Variants in UGT2B7 observed in about 807,000 individuals in gnomAD.
UGT2B7 encodes UDP glucuronosyltransferase family 2 member B7.
Under a neutral mutation model 51.9 loss-of-function variants are expected in UGT2B7, and 51 were observed. That is an observed-to-expected ratio of 0.98 (90% CI 0.78 to 1.24). The LOEUF (loss-of-function observed/expected upper bound fraction) is 1.24. Among genes scored for constraint, UGT2B7 ranks in the 50% most tolerant of loss-of-function variants. UGT2B7 has a pLI of 0.00. For missense variants in UGT2B7, 727 were observed against 628.4 expected (o/e 1.16, Z -1.68); for synonymous variants, 225 against 211.6 (o/e 1.06, Z -0.55).
chr4:69,076,925 G>A (rs1217524145), intron 1 of UGT2B7, among the ~76,000 whole-genome samples: 3 of 151,952 alleles, frequency 2.0e-5, no homozygotes, highest in South Asian at 2.1e-4. Flanking sequence ...GGTCTTATGT[G>A]TAAGTCTTTA....
At chr4:69,087,457 T>C (rs1433140532) in intron 1 of UGT2B7, among the ~76,000 whole-genome samples, 5 of 152,036 alleles carry the variant, frequency 3.3e-5, no homozygotes, top group African/African-American at 4.8e-5. Context: ...GATAAAGATA[T>C]AAATGGCTTA....
At chr4:69,064,021 A>AAAG (rs1285536293) in intron 1 of UGT2B7, among the ~76,000 whole-genome samples, 4 of 34,874 alleles carry the variant, frequency 1.1e-4, no homozygotes, top group East Asian at 1.8e-3. Flanking sequence ...ATGAGATGGG[A>AAAG]AAGAAAGAAA....
At chr4:69,096,458 C>T (rs1049710826), upstream of UGT2B7, 12 of 1,604,450 alleles carry the variant, frequency 7.5e-6, no homozygotes, top group Non-Finnish European at 9.3e-6. Context: ...TATCTTTGGA[C>T]ATAACCATGA....
intron 2 of UGT2B7, among the ~76,000 whole-genome samples, chr4:69,090,141 G>A (rs1719052846): frequency 6.6e-6 from 1 of 152,134 alleles, no homozygotes; most frequent in Non-Finnish European, 1.5e-5. Context: ...TGATATTATA[G>A]TCTAGTAGTC....
At chr4:69,091,466 G>A (rs759413016) in intron 2 of UGT2B7, among the ~76,000 whole-genome samples, 1 of 151,872 alleles carries the variant, frequency 6.6e-6, no homozygotes, top group Non-Finnish European at 1.5e-5. Flanking sequence ...ATTTTTTAAA[G>A]GTTGGAACAA....
intron 1 of UGT2B7, among the ~76,000 whole-genome samples, chr4:69,052,339 GA>G (rs758115472): frequency 2.7e-5 from 4 of 150,848 alleles, no homozygotes; most frequent in Non-Finnish European, 3.0e-5. Context: ...CCAGCAGAGA[GA>G]AAAAAAAGGC....
At chr4:69,055,060 A>T (rs547158740) in intron 1 of UGT2B7, among the ~76,000 whole-genome samples, 1 of 141,730 alleles carries the variant, frequency 7.1e-6, no homozygotes, top group South Asian at 2.3e-4. Flanking sequence ...ATGATTAAGG[A>T]CTGATCCTTT....
At chr4:69,105,175 A>G (rs986197858) in intron 3 of UGT2B7, among the ~76,000 whole-genome samples, 12 of 152,148 alleles carry the variant, frequency 7.9e-5, no homozygotes, top group Non-Finnish European at 1.2e-4. Context: ...ACTCCTCCCA[A>G]TGGAGGAAGC....
chr4:69,107,176 T>G lies in UGT2B7; in HGVS notation c.1004T>G (p.Val335Gly). ...ASALAQIPQK[V>G]LWRFDGNKPD... ...AAAATATTTTCTTTATTGTAACAGG[T>G]TCTGTGGAGATTTGATGGGAATAAA... The change falls in exon 4 of 6, where the codon GTT (valine) becomes GGT (glycine). Residue 335 changes from valine to glycine, a missense_variant and splice_region_variant. Transcript: ENST00000305231. 1 of 1,608,214 alleles carries G rather than the reference T, an allele frequency of 6.2e-7. No individual in the cohort carries two copies. Among genetic ancestry groups the G allele is most frequent in the Non-Finnish European group, 8.5e-7 (1 of 1,176,542 alleles).
intron 1 of UGT2B7, among the ~76,000 whole-genome samples, chr4:69,054,256 T>C (rs952068813): frequency 2.4e-4 from 36 of 151,936 alleles, no homozygotes; most frequent in African/African-American, 8.5e-4. Context: ...TAACTCAGAC[T>C]GTGGGGCACT....
rs1718517906 is a variant in UGT2B7, at chr4:69,067,979, T to C, written c.-159+16377T>C. Among the ~76,000 whole-genome samples, 4 of 152,240 alleles carry C rather than the reference T, an allele frequency of 2.6e-5. No homozygotes were observed. The South Asian group carries it at 8.3e-4, about 32-fold the overall frequency. The stretch of plus-strand genomic sequence containing the variant: ...ACTAATTTTCAGCACACTTATGTTG[T>C]CTTTCAGAATGAGAACTCATCAAAT... On this transcript the variant is annotated intron_variant, in intron 1 of 5. Coordinates refer to the UGT2B7 transcript ENST00000502942.
intron 3 of UGT2B7, among the ~76,000 whole-genome samples, chr4:69,106,917 A>C (rs1350846650): frequency 6.6e-6 from 1 of 151,612 alleles, no homozygotes; most frequent in African/African-American, 2.4e-5. Flanking sequence ...AAGGTGTAAC[A>C]ATTTTTTAAA....
chr4:69,063,091 G>C (rs971865355), intron 1 of UGT2B7, among the ~76,000 whole-genome samples: 1 of 146,006 alleles, frequency 6.8e-6, no homozygotes, highest in African/African-American at 2.5e-5. Flanking sequence ...AGGCCGAGGC[G>C]GGCGGATCAC....
intron 1 of UGT2B7, among the ~76,000 whole-genome samples, chr4:69,069,140 G>A (rs1322165779): frequency 6.6e-6 from 1 of 150,696 alleles, no homozygotes; most frequent in African/African-American, 2.4e-5. Context: ...ATCAGGTTAG[G>A]ATTCAAACTA....
chr4:69,092,599 A>T (rs1036136376), upstream of UGT2B7, among the ~76,000 whole-genome samples: 1 of 148,476 alleles, frequency 6.7e-6, no homozygotes, highest in Non-Finnish European at 1.5e-5. Flanking sequence ...TATAAAAAGT[A>T]AAATATAAAA....
Position 69,052,587 on chromosome 4 carries a change from A to AGAAGAAGGGGAGGCAAAACTTACGT in UGT2B7, c.-159+985_-159+986insGAAGAAGGGGAGGCAAAACTTACGT, listed in dbSNP as rs1560495732. ...TTATCTTCAAAAAAAAAAAAAAAAAAAAAAAGAAGGGGAGGCAAAATTTAC... is the reference window on the plus strand; with the variant it reads ...TTATCTTCAAAAAAAAAAAAAAAAAAGAAGAAGGGGAGGCAAAACTTACGTAAAAAGAAGGGGAGGCAAAATTTAC... On this transcript the variant is annotated intron_variant, in intron 1 of 5. Coordinates refer to the UGT2B7 transcript ENST00000502942. 3.3e-5 allele frequency among the ~76,000 whole-genome samples: 5 copies of AGAAGAAGGGGAGGCAAAACTTACGT among 151,420 alleles called. No homozygotes were observed. The East Asian group carries it at 5.8e-4, about 18-fold the overall frequency.
intron 1 of UGT2B7, among the ~76,000 whole-genome samples, chr4:69,071,688 T>TTA (rs1385370969): frequency 6.6e-6 from 1 of 152,094 alleles, no homozygotes; most frequent in East Asian, 1.9e-4. Flanking sequence ...ATAAAATGAA[T>TTA]TATTATAATG....
At chr4:69,110,343 A>T (rs1183848596) in intron 5 of UGT2B7, among the ~76,000 whole-genome samples, 1 of 152,052 alleles carries the variant, frequency 6.6e-6, no homozygotes, top group Non-Finnish European at 1.5e-5. Flanking sequence ...TAAAAACTAT[A>T]ACTAACATAT....
chr4:69,082,080 T>C (rs758396082), intron 1 of UGT2B7, among the ~76,000 whole-genome samples: 3 of 152,044 alleles, frequency 2.0e-5, no homozygotes, highest in Non-Finnish European at 2.9e-5. Context: ...CATATTACTG[T>C]TGTAATTGGT....
Sources: gnomAD v4.1 joint callset for allele counts (sites outside exome capture counted in the v4.1 genomes callset) on GRCh38, gnomAD v4.1.1 for gene constraint, MANE v1.5 for transcripts, NCBI Gene and HGNC (gene_info 2026-07-23, HGNC 2026-07-21) for gene names.